The following GRIK4 variants were observed in gnomAD, a reference collection of about 807,000 sequenced individuals.
The protein encoded by GRIK4 is glutamate ionotropic receptor kainate type subunit 4.
Under a neutral mutation model 104.9 loss-of-function variants are expected in GRIK4, and 40 were observed. The observed-to-expected ratio is 0.38, with a 90% CI of 0.30 to 0.50. The LOEUF is 0.50. GRIK4 is among the 20% of genes least tolerant of loss of function. The pLI is 0.93. For missense variants in GRIK4, 1,047 were observed against 1,308.1 expected, an observed-to-expected ratio of 0.80 and a Z score of 3.08; for synonymous variants, 485 against 524.9, an observed-to-expected ratio of 0.92 and a Z score of 1.04.
intron 1 of GRIK4, among the ~76,000 whole-genome samples, chr11:120,628,390 C>T (rs969428241): frequency 6.6e-6 from 1 of 152,224 alleles, no homozygotes; most frequent in African/African-American, 2.4e-5. Context: ...CTTAGCTGCC[C>T]TTTCCCTTAG....
chr11:120,909,352 A>G (rs1407819614), intron 13 of GRIK4, among the ~76,000 whole-genome samples: 2 of 152,224 alleles, frequency 1.3e-5, no homozygotes, highest in Non-Finnish European at 2.9e-5. Context: ...CTTGTTCAAG[A>G]AGTATATGTT....
At chr11:120,924,947 C>T (rs1943309732) in intron 13 of GRIK4, among the ~76,000 whole-genome samples, 1 of 152,170 alleles carries the variant, frequency 6.6e-6, no homozygotes, top group Non-Finnish European at 1.5e-5. Flanking sequence ...TCAACGTGTG[C>T]ACATACTGAT....
chr11:120,512,163 C>G (rs1368453331), intron 1 of GRIK4, among the ~76,000 whole-genome samples: 3 of 151,712 alleles, frequency 2.0e-5, no homozygotes, highest in Non-Finnish European at 4.4e-5. Context: ...CGTAGTTCCT[C>G]CAGTCTTCAC....
intron 1 of GRIK4, among the ~76,000 whole-genome samples, chr11:120,515,710 G>C (rs763592804): frequency 6.6e-6 from 1 of 152,164 alleles, no homozygotes; most frequent in Admixed American, 6.5e-5. Flanking sequence ...CCTCTTCATA[G>C]TAAGGACATA....
At chr11:120,798,939 CT>C (rs1385207006) in intron 3 of GRIK4, among the ~76,000 whole-genome samples, 1 of 152,216 alleles carries the variant, frequency 6.6e-6, no homozygotes, top group African/African-American at 2.4e-5. Context: ...CCACAGCACA[CT>C]CTTGAATGTT....
At chr11:120,918,530 A>G (rs1943159632) in intron 13 of GRIK4, among the ~76,000 whole-genome samples, 1 of 152,146 alleles carries the variant, frequency 6.6e-6, no homozygotes, top group Non-Finnish European at 1.5e-5. Context: ...GGGGTGTGAA[A>G]CCCAGCCCTC....
chr11:120,765,164 C>CT (rs1209726695), intron 3 of GRIK4, among the ~76,000 whole-genome samples: 2 of 151,716 alleles, frequency 1.3e-5, no homozygotes, highest in South Asian at 2.1e-4. Flanking sequence ...CCTTTTCATT[C>CT]TTTTTTTTCT....
intron 3 of GRIK4, among the ~76,000 whole-genome samples, chr11:120,745,793 A>T (rs1951428172): frequency 6.6e-6 from 1 of 152,218 alleles, no homozygotes; most frequent in Non-Finnish European, 1.5e-5. Flanking sequence ...TGAGAAAGAG[A>T]TAGAGCTTGT....
intron 3 of GRIK4, among the ~76,000 whole-genome samples, chr11:120,765,032 A>G (rs1471228297): frequency 6.6e-6 from 1 of 152,064 alleles, no homozygotes; most frequent in Non-Finnish European, 1.5e-5. Flanking sequence ...CTTCTCCTGG[A>G]TAATATCCTG....
At chr11:120,624,565 C>A (rs923421999) in intron 1 of GRIK4, among the ~76,000 whole-genome samples, 3 of 152,116 alleles carry the variant, frequency 2.0e-5, no homozygotes, top group African/African-American at 7.2e-5. Flanking sequence ...AGCACCCTGC[C>A]CAGAGTCAGC....
At chr11:120,864,395 C>T (rs1003456237) in intron 9 of GRIK4, among the ~76,000 whole-genome samples, 23 of 152,054 alleles carry the variant, frequency 1.5e-4, no homozygotes, top group African/African-American at 5.3e-4. Context: ...TGCCCGCCAC[C>T]GTGCCTGGCT....
At chr11:120,893,356 C>T (rs1942471672) in intron 11 of GRIK4, among the ~76,000 whole-genome samples, 1 of 152,162 alleles carries the variant, frequency 6.6e-6, no homozygotes, top group Admixed American at 6.5e-5. Flanking sequence ...TAATATTTGA[C>T]TAAGCAGTCC....
At chr11:120,824,547 T>C (rs1032869904) in intron 6 of GRIK4, among the ~76,000 whole-genome samples, 4 of 140,648 alleles carry the variant, frequency 2.8e-5, no homozygotes, top group East Asian at 3.9e-4. Flanking sequence ...CTTTTTTTTT[T>C]CTTTTCTTTT....
intron 3 of GRIK4, among the ~76,000 whole-genome samples, chr11:120,747,938 A>G (rs538559168): frequency 1.3e-5 from 2 of 152,326 alleles, no homozygotes; most frequent in African/African-American, 4.8e-5. Flanking sequence ...GGCCGTGATG[A>G]GTAAACTTGA....
At chr11:120,746,297 A>T (rs1591859933) in intron 3 of GRIK4, among the ~76,000 whole-genome samples, 1 of 151,994 alleles carries the variant, frequency 6.6e-6, no homozygotes, top group African/African-American at 2.4e-5. Context: ...AAGTTATTAA[A>T]CCTCTCTAAG....
intron 1 of GRIK4, among the ~76,000 whole-genome samples, chr11:120,641,419 G>T (rs564624373): frequency 7.2e-5 from 11 of 151,784 alleles, no homozygotes; most frequent in Non-Finnish European, 1.0e-4. Flanking sequence ...CTACTCCATA[G>T]GCAATGCAGC....
intron 7 of GRIK4, among the ~76,000 whole-genome samples, chr11:120,833,630 G>T (rs1363517780): frequency 6.6e-6 from 1 of 152,120 alleles, no homozygotes; most frequent in Non-Finnish European, 1.5e-5. Flanking sequence ...ATCTGATGTT[G>T]CACTATTATT....
chr11:120,613,013 GT>G (rs1303104883), intron 1 of GRIK4, among the ~76,000 whole-genome samples: 3 of 152,252 alleles, frequency 2.0e-5, no homozygotes, highest in African/African-American at 7.2e-5. Flanking sequence ...AGGGTTCTGT[GT>G]GTGAGTGGTG....
At chr11:120,901,856 C>G (rs947832212) in intron 12 of GRIK4, among the ~76,000 whole-genome samples, 1 of 152,200 alleles carries the variant, frequency 6.6e-6, no homozygotes, top group African/African-American at 2.4e-5. Flanking sequence ...TGCACGTGTG[C>G]TTATTCACAT....
Sources: gnomAD v4.1 joint callset for allele counts (sites outside exome capture counted in the v4.1 genomes callset) on GRCh38, gnomAD v4.1.1 for gene constraint, MANE v1.5 for transcripts, NCBI Gene and HGNC (gene_info 2026-07-23, HGNC 2026-07-21) for gene names.